Variants in SPTBN1 observed in about 807,000 individuals in gnomAD.
SPTBN1 encodes spectrin beta, non-erythrocytic 1.
In SPTBN1, 32 loss-of-function variants were observed where a neutral mutation model predicts 266.4. The ratio of observed to expected loss-of-function variants is 0.12; its 90% confidence interval spans 0.09 to 0.16. The LOEUF is 0.16. SPTBN1 is among the 10% of genes least tolerant of loss of function. SPTBN1 has a pLI of 1.00. For missense variants in SPTBN1, 2,296 were observed against 3,067.1 expected (o/e 0.75, Z 5.94); for synonymous variants, 1,336 against 1,162.2 (o/e 1.15, Z -3.04).
Position 54,647,215 on chromosome 2 carries a change from C to G in SPTBN1, c.4951C>G (p.Leu1651Val). Residue 1651 changes from leucine (L) to valine (V), a missense_variant, in exon 24 of 36, where the codon CTC becomes GTC. Physicochemically the swap from Leu to Val is conservative, Grantham distance 32. Around this residue, in one of 12 missense-constraint regions of SPTBN1, gnomAD observed 644 missense variants for 745.3 expected, o/e 0.86. Transcript: ENST00000356805. ...VEDYAETVHQ[L>V]SKTSRALVAD... ...GGACTATGCAGAGACCGTGCATCAG[C>G]TCTCCAAGACCAGCCGGGCCCTGGT... 1 of 1,614,138 alleles carries G rather than the reference C, an allele frequency of 6.2e-7. No individual in the cohort carries two copies. The highest frequency in any genetic ancestry group is 2.2e-5 in the East Asian group (1 of 44,886).
chr2:54,604,947 G>T (rs757137846), intron 3 of SPTBN1, among the ~76,000 whole-genome samples: 1 of 152,192 alleles, frequency 6.6e-6, no homozygotes, highest in Non-Finnish European at 1.5e-5. Context: ...TTGGCCCCAC[G>T]TTAAGGGCGT....
intron 5 of SPTBN1, among the ~76,000 whole-genome samples, chr2:54,617,276 A>G (rs932845617): frequency 9.9e-5 from 15 of 152,258 alleles, no homozygotes; most frequent in African/African-American, 3.6e-4. Flanking sequence ...TAGGTAGAGT[A>G]GAAAGCCAAT....
chr2:54,515,478 T>C (rs1670063702), intron 1 of SPTBN1, among the ~76,000 whole-genome samples: 2 of 152,280 alleles, frequency 1.3e-5, no homozygotes, highest in South Asian at 4.1e-4. Flanking sequence ...GATAGTGTTT[T>C]TCATCATTTT....
chr2:54,626,237 A>G lies in SPTBN1; in HGVS notation c.1644+3A>G. ...TGGACTGGATGGATGAAATGAAGGT[A>G]AAACCTGACCGAAAGGAAGGACGAC... is the stretch of plus-strand genomic sequence containing the variant. On this transcript the variant is annotated splice_donor_region_variant and intron_variant, in intron 12 of 35. Coordinates refer to ENST00000356805, the MANE Select transcript of SPTBN1 (RefSeq NM_003128.3). This position sits in a 1 kb window ranked among gnomAD's most constrained non-coding sequence, Gnocchi z 4.7. 1 of 1,610,628 alleles carries G rather than the reference A, an allele frequency of 6.2e-7. No individual in the cohort carries two copies. Among genetic ancestry groups the G allele is most frequent in the Non-Finnish European group, 8.5e-7 (1 of 1,177,230 alleles).
intron 2 of SPTBN1, chr2:54,534,999 C>T (rs925758417): frequency 6.6e-6 from 1 of 152,332 alleles, no homozygotes. Context: ...TCCTCATTCT[C>T]TCCACTCCAC....
At chr2:54,563,776 GC>G (rs1054462620) in intron 2 of SPTBN1, among the ~76,000 whole-genome samples, 3 of 151,496 alleles carry the variant, frequency 2.0e-5, no homozygotes, top group Non-Finnish European at 4.4e-5. Flanking sequence ...GCTAATTTTT[GC>G]ATTTTTAGTA....
intron 1 of SPTBN1, among the ~76,000 whole-genome samples, chr2:54,484,552 G>C (rs1309213060): frequency 6.6e-6 from 1 of 152,218 alleles, no homozygotes; most frequent in African/African-American, 2.4e-5. Flanking sequence ...GAAAAAGAAT[G>C]CTAAGAGGAA....
intron 2 of SPTBN1, among the ~76,000 whole-genome samples, chr2:54,569,979 C>CCT (rs1553449174): frequency 6.7e-6 from 1 of 149,568 alleles, no homozygotes; most frequent in Non-Finnish European, 1.5e-5. Flanking sequence ...ATTCCCCCCC[C>CCT]CCTTTAGAAA....
intron 29 of SPTBN1, 64 bp from the exon 30 acceptor site, chr2:54,657,786 T>A: frequency 6.2e-7 from 1 of 1,601,152 alleles, no homozygotes; most frequent in Non-Finnish European, 8.5e-7. Context: ...TGCCAAGAGG[T>A]AAGGCCATAT....
chr2:54,628,234 C>A lies in SPTBN1; in HGVS notation c.1782C>A (p.Phe594Leu). The stretch of plus-strand genomic sequence containing the variant: ...GTGTCAATGCCTCCGCCCAGAAGTT[C>A]GCAACAGACGGGGAAGGTAAGGATG... ...VRGVNASAQKFATDGEGYKPC... is the reference protein window; with the variant it reads ...VRGVNASAQKLATDGEGYKPC... The change falls in exon 13 of 36, where the codon TTC becomes TTA. Residue 594 changes from phenylalanine (F) to leucine (L), a missense_variant. This residue lies in a region of SPTBN1 where 434 missense variants were observed against 573.9 expected (regional missense o/e 0.76). Coordinates refer to ENST00000356805, the MANE Select transcript of SPTBN1 (RefSeq NM_003128.3). The surrounding 1 kb of genome is among the most constrained non-coding windows in gnomAD (Gnocchi z 4.3). The A allele has an allele frequency of 6.2e-7, 1 of 1,612,804 alleles. No individual in the cohort carries two copies. Among genetic ancestry groups the A allele is most frequent in the South Asian group, 1.1e-5 (1 of 90,888 alleles).
At chr2:54,591,687 A>G (rs1303167732) in intron 2 of SPTBN1, among the ~76,000 whole-genome samples, 2 of 152,020 alleles carry the variant, frequency 1.3e-5, no homozygotes, top group Non-Finnish European at 2.9e-5. Context: ...ATCCCTTTCC[A>G]TAACCAGAAC....
intron 2 of SPTBN1, chr2:54,546,663 C>G (rs1292520500): frequency 6.6e-6 from 1 of 152,178 alleles, no homozygotes; most frequent in African/African-American, 2.4e-5. Context: ...CTGATAAACT[C>G]TATCGCACTG....
intron 3 of SPTBN1, among the ~76,000 whole-genome samples, chr2:54,599,912 C>A (rs1676367833): frequency 6.6e-6 from 1 of 152,206 alleles, no homozygotes; most frequent in African/African-American, 2.4e-5. Context: ...TTAAAGCAGT[C>A]ACTGTGACTG....
chr2:54,590,030 G>C (rs564123606), intron 2 of SPTBN1, among the ~76,000 whole-genome samples: 1 of 152,274 alleles, frequency 6.6e-6, no homozygotes, highest in Admixed American at 6.5e-5. Context: ...GTTGTAATAT[G>C]TTACAATGAT....
chr2:54,560,508 C>A (rs1388687027), intron 2 of SPTBN1, among the ~76,000 whole-genome samples: 1 of 152,126 alleles, frequency 6.6e-6, no homozygotes, highest in African/African-American at 2.4e-5. Flanking sequence ...GTGGAGCCTA[C>A]ACACAGGAAA....
rs544963273 is a variant in SPTBN1 at position 54,462,725 on chromosome 2, G to A, written c.-48+6207G>A. Among the ~76,000 whole-genome samples, 3 of 152,338 alleles carry A rather than the reference G, an allele frequency of 2.0e-5. No individual in the cohort carries two copies. In the East Asian group the frequency reaches 5.8e-4, roughly 29 times the overall value. On this transcript the variant is annotated intron_variant, in intron 1 of 35. Coordinates refer to ENST00000356805, the MANE Select transcript of SPTBN1 (RefSeq NM_003128.3). Reference sequence around the variant, plus strand: ...AAAATACCTTTAACAGGCTGGATGTGTGACTTTGGCAAACCTTTAACCCTC... The same window carrying A: ...AAAATACCTTTAACAGGCTGGATGTATGACTTTGGCAAACCTTTAACCCTC...
At chr2:54,564,776 AT>A (rs1467478864) in intron 2 of SPTBN1, among the ~76,000 whole-genome samples, 3 of 152,086 alleles carry the variant, frequency 2.0e-5, no homozygotes, top group African/African-American at 2.4e-5. Context: ...TCCTTTTAAG[AT>A]TTGAAGTTTC....
chr2:54,502,692 G>T (rs10206622), intron 1 of SPTBN1, among the ~76,000 whole-genome samples: 7,877 of 152,146 alleles, frequency 0.052, 644 homozygotes, highest in African/African-American at 0.17. Flanking sequence ...TTTCCTGGGG[G>T]TTTTTTTGTT....
chr2:54,464,299 A>G (rs1693516277), intron 1 of SPTBN1, among the ~76,000 whole-genome samples: 1 of 152,240 alleles, frequency 6.6e-6, no homozygotes, highest in Admixed American at 6.5e-5. Flanking sequence ...ACATAATCAA[A>G]TAAATTATGG....
Sources: allele counts gnomAD v4.1 joint callset (sites outside exome capture counted in the v4.1 genomes callset), GRCh38; gene constraint gnomAD v4.1.1; regional missense constraint gnomAD v4.1.1; non-coding constraint Gnocchi (gnomAD v3.1); transcripts MANE v1.5; gene names NCBI Gene and HGNC (gene_info 2026-07-23, HGNC 2026-07-21).